Variants in DNAH1 observed in about 807,000 individuals in gnomAD.
The protein encoded by DNAH1 is axonemal beta dynein heavy chain 1.
Under a neutral mutation model 484.3 loss-of-function variants are expected in DNAH1, and 327 were observed. The ratio of observed to expected loss-of-function variants is 0.68; its 90% confidence interval spans 0.62 to 0.74. DNAH1 has a LOEUF of 0.74. DNAH1 is among the 30% of genes least tolerant of loss of function. The pLI is 0.00. For missense variants in DNAH1, 5,052 were observed against 5,546.8 expected, an observed-to-expected ratio of 0.91 and a Z score of 2.83; for synonymous variants, 2,192 against 2,191.9, an observed-to-expected ratio of 1.00 and a Z score of 0.00.
At position 52,361,222 on chromosome 3, in the gene DNAH1, CCAGCTGGCA is replaced by C; in HGVS notation, c.4748_4756del (p.Ala1583_Thr1585del). ...CAAGTTTGGGGGTGCCCCAGCTGGC[CCAGCTGGCA>C]CAGGCAAAACTGAGACCACCAAAGA... On this transcript the variant is annotated inframe_deletion, in exon 29 of 78. Transcript: ENST00000420323. The surrounding 1 kb of genome is among the most constrained non-coding windows in gnomAD (Gnocchi z 5.6). 6.2e-7 allele frequency: 1 copy of C among 1,612,646 alleles called. No individual in the cohort carries two copies. Among genetic ancestry groups the C allele is most frequent in the Admixed American group, 1.7e-5 (1 of 59,948 alleles).
chr3:52,373,828 C>A, intron 44 of DNAH1: 1 of 1,416,410 alleles, frequency 7.1e-7, no homozygotes, highest in Non-Finnish European at 1.0e-6. Flanking sequence ...ATCACAGAGC[C>A]TGTTTACCCA....
In DNAH1 at chr3:52,347,825, C is replaced by T. The variant is rs200101285; in HGVS notation, c.1957C>T (p.Pro653Ser). The T allele has an allele frequency of 1.8e-4, 292 of 1,584,284 alleles. 3 individuals are homozygous for T. The East Asian group carries it at 3.6e-3, about 19-fold the overall frequency. Residue 653 changes from proline to serine, a missense_variant and splice_region_variant, in exon 12 of 78, where the codon CCC becomes TCC. Physicochemically the swap from Pro to Ser is moderately conservative, Grantham distance 74. Coordinates refer to ENST00000420323, the MANE Select transcript of DNAH1 (RefSeq NM_015512.5). ...CAGTCAGCTCGCCATTGCCTGCAGG[C>T]CCCGGAAGAATCCCCTGTTCATCAT... ...GDDLINSPYR[P>S]RKNPLFIMDL...
chr3:52,328,138 C>T, intron 6 of DNAH1, 124 bp downstream of exon 6: 1 of 1,279,234 alleles, frequency 7.8e-7, no homozygotes, highest in South Asian at 1.5e-5. Context: ...GACCTCTCAG[C>T]TGGTAGACAG....
At chr3:52,351,819 G>C (rs1216194844) in intron 16 of DNAH1, 143 bp from the exon 17 acceptor site, 1 of 1,004,228 alleles carries the variant, frequency 1.0e-6, no homozygotes, top group African/African-American at 1.6e-5. Flanking sequence ...CTGGCCCCAG[G>C]TAGCCTCCAC....
At chr3:52,393,256 C>G in intron 65 of DNAH1, 78 bp from the exon 66 acceptor site, 6 of 1,589,154 alleles carry the variant, frequency 3.8e-6, no homozygotes, top group Non-Finnish European at 5.2e-6. Flanking sequence ...GCTGGGGAGA[C>G]TGGCTAGGCT....
At position 52,396,659 on chromosome 3, in the gene DNAH1, C is replaced by T; in HGVS notation, c.11472C>T (p.Phe3824=). 6.2e-7 allele frequency: 1 copy of T among 1,613,568 alleles called. No individual in the cohort carries two copies. The highest frequency in any genetic ancestry group is 1.3e-5 in the African/African-American group (1 of 75,012). ...CTCTGCTGCTGTCTCTGTGCTTGTT[C>T]CATGGGAACGCCCTGGAGCGCCGTA... ...FKSLLLSLCL[F]HGNALERRKF... Residue 3824 remains phenylalanine (F), a synonymous_variant, in exon 72 of 78, where the codon TTC becomes TTT. Transcript: ENST00000420323.
chr3:52,389,530 T>C lies in DNAH1; in HGVS notation c.9565T>C (p.Ser3189Pro). The C allele has an allele frequency of 6.3e-7, 1 of 1,585,112 alleles. No individual in the cohort carries two copies. The highest frequency in any genetic ancestry group is 8.6e-7 in the Non-Finnish European group (1 of 1,166,010). Residue 3189 changes from serine (S) to proline (P), a missense_variant, in exon 60 of 78, where the codon TCC (serine) becomes CCC (proline). Ser to Pro is a moderately conservative substitution (Grantham distance 74). Around this residue, in one of 4 missense-constraint regions of DNAH1, gnomAD observed 2,929 missense variants for 3,409.4 expected, o/e 0.86. Coordinates refer to ENST00000420323, the MANE Select transcript of DNAH1 (RefSeq NM_015512.5). Reference protein sequence around the residue: ...QLRSHNVPHTSEPTLIGTLGN... With the variant: ...QLRSHNVPHTPEPTLIGTLGN... ...CAGGAGCCACAATGTCCCACACACC[T>C]CCGAGCCCACGCTAATCGGGACGCT...
At position 52,323,793 on chromosome 3, in the gene DNAH1, A is replaced by G. The variant is rs1053086544; in HGVS notation, c.334-15A>G. 7 of 1,584,636 alleles carry G rather than the reference A, an allele frequency of 4.4e-6. No homozygotes were observed. The highest frequency in any genetic ancestry group is 1.8e-5 in the Admixed American group (1 of 55,742). On this transcript the variant is annotated splice_polypyrimidine_tract_variant and intron_variant, in intron 2 of 77. Transcript: ENST00000420323. The stretch of plus-strand genomic sequence containing the variant: ...GAGGTTGACACATACTCAGGGCTCC[A>G]TGGTTTGGTTTCAGGAGGTATGTCG...
At chr3:52,389,984 C>T (rs1704301625) in intron 60 of DNAH1, among the ~76,000 whole-genome samples, 1 of 152,134 alleles carries the variant, frequency 6.6e-6, no homozygotes, top group African/African-American at 2.4e-5. Flanking sequence ...TAGGGGCACA[C>T]ACCTGTAAGC....
chr3:52,386,524 A>G (rs1704117447), intron 55 of DNAH1, 138 bp from the exon 56 acceptor site: 5 of 1,284,512 alleles, frequency 3.9e-6, no homozygotes, highest in East Asian at 2.5e-5. Context: ...GCTGAGGCCA[A>G]CCTCGGTGGA....
rs781608127 is a variant in DNAH1 at position 52,352,621 on chromosome 3, C to T, written c.2941C>T (p.Arg981Cys). ...RAHEIANEVR[R>C]VKKQLKDCQQ... ...ACACGAGATCGCCAACGAGGTGCGGCGTGTCAAGAAGCAGCTGAAGGACTG... is the reference window on the plus strand; with the variant it reads ...ACACGAGATCGCCAACGAGGTGCGGTGTGTCAAGAAGCAGCTGAAGGACTG... Residue 981 changes from arginine to cysteine, a missense_variant, in exon 18 of 78, where the codon CGT becomes TGT. Physicochemically the swap from Arg to Cys is radical, Grantham distance 180 (BLOSUM62 -3). Around this residue, in one of 4 missense-constraint regions of DNAH1, gnomAD observed 2,929 missense variants for 3,409.4 expected, o/e 0.86. Transcript: ENST00000420323. The T allele has an allele frequency of 1.4e-5, 22 of 1,612,938 alleles. No individual in the cohort carries two copies. Among genetic ancestry groups the T allele is most frequent in the East Asian group, 2.2e-5 (1 of 44,874 alleles).
intron 6 of DNAH1, among the ~76,000 whole-genome samples, chr3:52,330,420 TCTC>T (rs1442817129): frequency 6.6e-6 from 1 of 152,218 alleles, no homozygotes; most frequent in South Asian, 2.1e-4. Context: ...CACAGAGGCT[TCTC>T]CTTGGAGAAG....
chr3:52,353,016 A>G lies in DNAH1; in HGVS notation c.3028-87A>G. ...CATCAGCCAGGAGCAAGGGAGAGGG[A>G]GAGGACCTGGCCCAAGAAGGGGCAA... is the stretch of plus-strand genomic sequence containing the variant. On this transcript the variant is annotated intron_variant, in intron 18 of 77. Coordinates refer to ENST00000420323, the MANE Select transcript of DNAH1 (RefSeq NM_015512.5). The surrounding 1 kb of genome is among the most constrained non-coding windows in gnomAD (Gnocchi z 5.0). 1.5e-6 allele frequency: 2 copies of G among 1,338,306 alleles called. No individual in the cohort carries two copies. Among genetic ancestry groups the G allele is most frequent in the Non-Finnish European group, 2.0e-6 (2 of 980,256 alleles). The allele number at this position is 1,338,306 out of a possible 1,614,324, so 82.9% of individuals were successfully genotyped here. A position where few individuals can be genotyped will look rare whatever the true frequency, so the allele number is the denominator to read the frequency against.
intron 76 of DNAH1, 74 bp downstream of exon 76, chr3:52,399,275 G>A (rs758063633): frequency 5.2e-5 from 75 of 1,456,058 alleles, no homozygotes; most frequent in East Asian, 6.8e-5. Flanking sequence ...CTGAGGCCAC[G>A]GTTGGTTGGC....
intron 8 of DNAH1, among the ~76,000 whole-genome samples, chr3:52,342,583 A>G (rs781459947): frequency 2.0e-5 from 3 of 152,176 alleles, no homozygotes; most frequent in South Asian, 2.1e-4. Context: ...GGGATTTCCA[A>G]TCTCAAAGCC....
rs915841350 is a variant in DNAH1, at chr3:52,358,443, C to T, written c.4087-115C>T. The T allele has an allele frequency of 5.2e-6, 6 of 1,146,232 alleles. No homozygotes were observed. The Admixed American group carries it at 1.4e-4, about 27-fold the overall frequency. 71.0% of individuals were successfully genotyped at this position (1,146,232 alleles called of 1,614,324 possible). ...ATAGACTCTCGGGGGGACGGGAAGG[C>T]AGGGCTTTCTTCTTGAGGTGGAGGG... is the stretch of plus-strand genomic sequence containing the variant. On this transcript the variant is annotated intron_variant, in intron 24 of 77. Coordinates refer to ENST00000420323, the MANE Select transcript of DNAH1 (RefSeq NM_015512.5). This position sits in a 1 kb window ranked among gnomAD's most constrained non-coding sequence, Gnocchi z 4.2.
chr3:52,323,956 C>G (rs1250120217), intron 3 of DNAH1, 76 bp downstream of exon 3: 1 of 1,180,658 alleles, frequency 8.5e-7, no homozygotes, highest in Non-Finnish European at 1.2e-6. Flanking sequence ...AGGGAGACAG[C>G]CTTTTCTTGG....
rs1553642627 is a variant in DNAH1, at chr3:52,394,520, C to T, written c.10682C>T (p.Pro3561Leu). ...TCCATCTCGATCATGACTGAGAATCCGGCACCGGACTGGCTGTCAGACCGG... is the reference window on the plus strand; with the variant it reads ...TCCATCTCGATCATGACTGAGAATCTGGCACCGGACTGGCTGTCAGACCGG... ...GGSISIMTEN[P>L]APDWLSDRAW... Residue 3561 changes from proline to leucine, a missense_variant, in exon 67 of 78, where the codon CCG becomes CTG. Physicochemically the swap from Pro to Leu is moderately conservative, Grantham distance 98 (BLOSUM62 -3). This residue lies in a region of DNAH1 where 853 missense variants were observed against 899.0 expected (regional missense o/e 0.95). Coordinates refer to ENST00000420323, the MANE Select transcript of DNAH1 (RefSeq NM_015512.5). The T allele has an allele frequency of 1.2e-5, 20 of 1,614,036 alleles. 1 individual carries two copies. Among genetic ancestry groups the T allele is most frequent in the South Asian group, 1.1e-4 (10 of 91,088 alleles).
At position 52,349,787 on chromosome 3, in the gene DNAH1, C is replaced by T. The variant is rs961555653; in HGVS notation, c.2527-202C>T. Among the ~76,000 whole-genome samples the T allele has an allele frequency of 8.5e-5, 13 of 152,304 alleles. 1 individual carries two copies. In the South Asian group the frequency reaches 1.0e-3, roughly 12 times the overall value. On this transcript the variant is annotated intron_variant, in intron 14 of 77. Transcript: ENST00000420323. ...AGGAGGCTGGAAGGGTGAGGTGTGCCGGGTCATACCCTTGCCCCACTGACA... is the reference window on the plus strand; with the variant it reads ...AGGAGGCTGGAAGGGTGAGGTGTGCTGGGTCATACCCTTGCCCCACTGACA...
Sources: allele counts gnomAD v4.1 joint callset (sites outside exome capture counted in the v4.1 genomes callset), GRCh38; gene constraint gnomAD v4.1.1; regional missense constraint gnomAD v4.1.1; non-coding constraint Gnocchi (gnomAD v3.1); transcripts MANE v1.5; gene names NCBI Gene and HGNC (gene_info 2026-07-23, HGNC 2026-07-21).